ZNF804A: variants seen among roughly 807,000 people sequenced by gnomAD.
The protein encoded by ZNF804A is zinc finger protein 804A.
ZNF804A carries 2 observed loss-of-function variants against 16.5 expected under a neutral mutation model. The ratio of observed to expected loss-of-function variants is 0.12; its 90% CI spans 0.05 to 0.38. The LOEUF (loss-of-function observed/expected upper bound fraction) is 0.38, where lower values mean the gene tolerates loss of function less well. ZNF804A is among the 10% of genes least tolerant of loss of function. The probability of loss-of-function intolerance (pLI) is 0.99; values close to 1 mark genes in which losing one functional copy is unlikely to be tolerated. For missense variants in ZNF804A, 1,473 were observed against 1,390.7 expected (o/e 1.06, Z -0.94); for synonymous variants, 534 against 489.6 (o/e 1.09, Z -1.20).
intron 1 of ZNF804A, among the ~76,000 whole-genome samples, chr2:184,826,045 A>ATTTATTTG (rs1266181536): frequency 2.0e-5 from 3 of 150,892 alleles, no homozygotes; most frequent in African/African-American, 7.3e-5. Flanking sequence ...CTATTTATTT[A>ATTTATTTG]TTTATTTATT....
chr2:184,937,681 T>C lies in ZNF804A; in HGVS notation c.2285T>C (p.Met762Thr), dbSNP rs760855444. The part of the protein sequence containing the change: ...QAVKRGYNSV[M>T]NESERFYRKR... Reference sequence around the variant, plus strand: ...GTTAAAAGAGGTTACAATTCTGTCATGAATGAATCAGAAAGATTCTATCGA... The same window carrying C: ...GTTAAAAGAGGTTACAATTCTGTCACGAATGAATCAGAAAGATTCTATCGA... The change falls in exon 4 of 4, where the codon ATG becomes ACG. Residue 762 changes from methionine (M) to threonine (T), a missense_variant. By Grantham distance (81) the Met-to-Thr change is moderately conservative (BLOSUM62 -1). Transcript: ENST00000302277. The C allele has an allele frequency of 1.9e-6, 3 of 1,614,080 alleles. No homozygotes were observed. Among genetic ancestry groups the C allele is most frequent in the Admixed American group, 1.7e-5 (1 of 59,996 alleles).
intron 1 of ZNF804A, among the ~76,000 whole-genome samples, chr2:184,605,390 T>A (rs1691129073): frequency 6.6e-6 from 1 of 152,182 alleles, no homozygotes; most frequent in Admixed American, 6.5e-5. Context: ...CTGTTTTATC[T>A]CATTCTAAAT....
intron 1 of ZNF804A, among the ~76,000 whole-genome samples, chr2:184,677,683 A>C (rs1378720724): frequency 6.6e-6 from 1 of 152,044 alleles, no homozygotes; most frequent in African/African-American, 2.4e-5. Context: ...TAAGAACAAA[A>C]TCACTGCTGT....
chr2:184,838,074 C>T (rs1695381908), intron 1 of ZNF804A, among the ~76,000 whole-genome samples: 1 of 152,084 alleles, frequency 6.6e-6, no homozygotes, highest in Non-Finnish European at 1.5e-5. Context: ...GTGGGAGCCT[C>T]TCTCAGGGGA....
intron 1 of ZNF804A, among the ~76,000 whole-genome samples, chr2:184,865,668 T>C (rs775187085): frequency 3.3e-5 from 5 of 152,196 alleles, no homozygotes; most frequent in Admixed American, 6.5e-5. Flanking sequence ...TATATGTTCA[T>C]CTTCTCAGGG....
chr2:184,838,526 C>T (rs924927647), intron 1 of ZNF804A, among the ~76,000 whole-genome samples: 2 of 151,934 alleles, frequency 1.3e-5, no homozygotes, highest in African/African-American at 2.4e-5. Context: ...CTTTATTTTG[C>T]TAATTAAACT....
At chr2:184,921,330 G>GT (rs946095881) in intron 2 of ZNF804A, among the ~76,000 whole-genome samples, 17 of 151,432 alleles carry the variant, frequency 1.1e-4, no homozygotes, top group East Asian at 9.7e-4. Context: ...TATTAGGTGA[G>GT]TTTTTTTTTA....
chr2:184,888,773 TAG>T (rs1684937151), intron 2 of ZNF804A, among the ~76,000 whole-genome samples: 1 of 152,154 alleles, frequency 6.6e-6, no homozygotes, highest in African/African-American at 2.4e-5. Flanking sequence ...GAAAAAATGG[TAG>T]AAAAGTTAGA....
chr2:184,605,338 G>A (rs1691128110), intron 1 of ZNF804A, among the ~76,000 whole-genome samples: 1 of 152,148 alleles, frequency 6.6e-6, no homozygotes, highest in Middle Eastern at 3.4e-3. Context: ...ATATAATTGT[G>A]TTAGTTTCTC....
chr2:184,871,191 ACAC>A, intron 2 of ZNF804A, among the ~76,000 whole-genome samples: 1 of 151,856 alleles, frequency 6.6e-6, no homozygotes, highest in East Asian at 1.9e-4. Flanking sequence ...CCTGCTACCA[ACAC>A]CACCCTTGGA....
At chr2:184,750,554 A>G (rs191271956) in intron 1 of ZNF804A, among the ~76,000 whole-genome samples, 1 of 151,478 alleles carries the variant, frequency 6.6e-6, no homozygotes, top group Admixed American at 6.6e-5. Flanking sequence ...TTTTTAATGT[A>G]TACAACTTGG....
rs780234562 is a variant in ZNF804A, at chr2:184,627,308, C to T, written c.111+28238C>T. On this transcript the variant is annotated intron_variant, in intron 1 of 3. Coordinates refer to ENST00000302277, the MANE Select transcript of ZNF804A (RefSeq NM_194250.2). ...CAAAATTTCATGTTTGTGTTTTTTCCAGAAAAAAAAATACATTGACTTATT... is the reference window on the plus strand; with the variant it reads ...CAAAATTTCATGTTTGTGTTTTTTCTAGAAAAAAAAATACATTGACTTATT... 4.1e-4 allele frequency among the ~76,000 whole-genome samples: 61 copies of T among 150,136 alleles called. 1 individual carries two copies. Among genetic ancestry groups the T allele is most frequent in the Non-Finnish European group, 5.8e-4 (39 of 67,574 alleles).
At chr2:184,657,157 T>C (rs909901415) in intron 1 of ZNF804A, among the ~76,000 whole-genome samples, 37 of 152,170 alleles carry the variant, frequency 2.4e-4, no homozygotes, top group Admixed American at 2.4e-3. Flanking sequence ...ACATAATGGC[T>C]CACGGCAGGC....
At chr2:184,792,204 T>C (rs1694555183) in intron 1 of ZNF804A, among the ~76,000 whole-genome samples, 2 of 152,164 alleles carry the variant, frequency 1.3e-5, no homozygotes, top group South Asian at 2.1e-4. Flanking sequence ...CTGGATCATA[T>C]GGTAAGAGTA....
chr2:184,726,567 A>G (rs185155884), intron 1 of ZNF804A, among the ~76,000 whole-genome samples: 3 of 151,752 alleles, frequency 2.0e-5, no homozygotes, highest in Admixed American at 2.0e-4. Context: ...GTTAAGAAGC[A>G]TTTCAAATTG....
chr2:184,879,933 G>T (rs1159971115), intron 2 of ZNF804A, among the ~76,000 whole-genome samples: 1 of 152,030 alleles, frequency 6.6e-6, no homozygotes, highest in Non-Finnish European at 1.5e-5. Context: ...ATTACTGCTT[G>T]TAACTGGCTT....
intron 3 of ZNF804A, 29 bp downstream of exon 3, chr2:184,933,762 C>T (rs759487662): frequency 6.3e-7 from 1 of 1,585,424 alleles, no homozygotes; most frequent in East Asian, 2.3e-5. Flanking sequence ...TGTAAGTTTT[C>T]TTAAAACATG....
chr2:184,747,020 G>A (rs1342636254), intron 1 of ZNF804A, among the ~76,000 whole-genome samples: 2 of 151,202 alleles, frequency 1.3e-5, no homozygotes, highest in Admixed American at 6.6e-5. Flanking sequence ...AATCCCTCTT[G>A]CAGAGTCACA....
chr2:184,616,631 C>T lies in ZNF804A; in HGVS notation c.111+17561C>T, dbSNP rs185126634. 2.0e-5 allele frequency among the ~76,000 whole-genome samples: 3 copies of T among 152,136 alleles called. No individual in the cohort carries two copies. In the East Asian group the frequency reaches 5.8e-4, roughly 29 times the overall value. On this transcript the variant is annotated intron_variant, in intron 1 of 3. Coordinates refer to ENST00000302277, the MANE Select transcript of ZNF804A (RefSeq NM_194250.2). Reference sequence around the variant, plus strand: ...ATAGGGAATAGGTGCTTTCGGGAGTCTAGGGAAATAAAGGTCAGGGAATTG... The same window carrying T: ...ATAGGGAATAGGTGCTTTCGGGAGTTTAGGGAAATAAAGGTCAGGGAATTG...
Sources: gnomAD v4.1 joint callset for allele counts (sites outside exome capture counted in the v4.1 genomes callset) on GRCh38, gnomAD v4.1.1 for gene constraint, MANE v1.5 for transcripts, NCBI Gene and HGNC (gene_info 2026-07-23, HGNC 2026-07-21) for gene names.